ANTXR2: variants seen among roughly 807,000 people sequenced by gnomAD.
ANTXR2 encodes anthrax toxin receptor 2.
In ANTXR2, 44 loss-of-function variants were observed where a neutral mutation model predicts 73.7. The observed-to-expected ratio is 0.60, with a 90% CI of 0.47 to 0.77. ANTXR2 has a LOEUF of 0.77. ANTXR2 is among the 30% of genes least tolerant of loss of function. ANTXR2 has a pLI of 0.00. For synonymous variants in ANTXR2, 217 were observed against 205.9 expected (o/e 1.05, Z -0.46); for missense variants, 604 against 592.5 (o/e 1.02, Z -0.20).
At chr4:79,944,652 T>G (rs1286775139) in intron 16 of ANTXR2, among the ~76,000 whole-genome samples, 3 of 152,192 alleles carry the variant, frequency 2.0e-5, no homozygotes, top group African/African-American at 7.2e-5. Context: ...TGGTCTAAGC[T>G]GTAGCCCATA....
chr4:79,973,152 C>A (rs1729494773), intron 16 of ANTXR2, among the ~76,000 whole-genome samples: 1 of 152,072 alleles, frequency 6.6e-6, no homozygotes, highest in Admixed American at 6.5e-5. Context: ...TAAGATAGCA[C>A]TCTAGAGATG....
intron 16 of ANTXR2, among the ~76,000 whole-genome samples, chr4:79,919,093 A>G (rs1364788800): frequency 2.0e-5 from 3 of 152,134 alleles, no homozygotes; most frequent in Admixed American, 6.6e-5. Flanking sequence ...AAAATTGTTA[A>G]TCTAAAAGAG....
At chr4:79,935,442 A>AAAG (rs1728224124) in intron 16 of ANTXR2, among the ~76,000 whole-genome samples, 1 of 152,116 alleles carries the variant, frequency 6.6e-6, no homozygotes, top group Non-Finnish European at 1.5e-5. Context: ...AATTAGTGAC[A>AAAG]AAGAGTTGGG....
intron 10 of ANTXR2, among the ~76,000 whole-genome samples, chr4:80,028,282 CT>C (rs1380454975): frequency 6.6e-6 from 1 of 152,114 alleles, no homozygotes; most frequent in Admixed American, 6.6e-5. Flanking sequence ...GCCCAGATAA[CT>C]TTAACTTTCC....
chr4:79,977,282 C>G (rs992084418), intron 16 of ANTXR2, among the ~76,000 whole-genome samples: 1 of 152,204 alleles, frequency 6.6e-6, no homozygotes, highest in Non-Finnish European at 1.5e-5. Context: ...CTACTAAATG[C>G]TAGAGAAGGA....
intron 12 of ANTXR2, among the ~76,000 whole-genome samples, chr4:79,993,760 G>GCGCGCGCGCGCGCACACACACA (rs71662888): frequency 7.1e-6 from 1 of 140,658 alleles, no homozygotes; most frequent in East Asian, 2.1e-4. Context: ...ACACACACAC[G>GCGCGCGCGCGCGCACACACACA]CACACACACA....
intron 16 of ANTXR2, among the ~76,000 whole-genome samples, chr4:79,935,628 A>C (rs1313938554): frequency 6.6e-6 from 1 of 152,244 alleles, no homozygotes; most frequent in Non-Finnish European, 1.5e-5. Context: ...TAGTACACTG[A>C]CATTTATTAA....
chr4:80,048,110 T>G (rs952814807), intron 7 of ANTXR2, among the ~76,000 whole-genome samples: 6 of 151,368 alleles, frequency 4.0e-5, no homozygotes, highest in African/African-American at 1.5e-4. Flanking sequence ...CTAATGCACA[T>G]GGAATCAGAG....
intron 11 of ANTXR2, among the ~76,000 whole-genome samples, chr4:80,010,193 T>C (rs1731505796): frequency 6.6e-6 from 1 of 152,114 alleles, no homozygotes; most frequent in Non-Finnish European, 1.5e-5. Flanking sequence ...CATCTTTCTT[T>C]ACAAAATTCT....
intron 12 of ANTXR2, among the ~76,000 whole-genome samples, chr4:79,993,068 T>C (rs1029411266): frequency 1.3e-5 from 2 of 152,008 alleles, no homozygotes; most frequent in African/African-American, 2.4e-5. Flanking sequence ...CAAAAAAGGG[T>C]TTATTAATTT....
intron 10 of ANTXR2, among the ~76,000 whole-genome samples, chr4:80,025,778 T>C (rs973284352): frequency 6.6e-6 from 1 of 152,194 alleles, no homozygotes; most frequent in African/African-American, 2.4e-5. Flanking sequence ...TTCTTAAAAG[T>C]GGCTAAAAGA....
intron 3 of ANTXR2, among the ~76,000 whole-genome samples, chr4:80,067,234 C>T (rs1406617786): frequency 6.6e-6 from 1 of 151,850 alleles, no homozygotes; most frequent in Non-Finnish European, 1.5e-5. Context: ...GAAAGAAAGG[C>T]CTCTTCTGTA....
chr4:80,069,088 A>G (rs1178906213), intron 3 of ANTXR2, among the ~76,000 whole-genome samples: 1 of 152,174 alleles, frequency 6.6e-6, no homozygotes, highest in African/African-American at 2.4e-5. Context: ...TCTCCCCCTC[A>G]ATGTTCTTCA....
intron 16 of ANTXR2, among the ~76,000 whole-genome samples, chr4:79,928,526 C>T (rs1209889108): frequency 6.6e-6 from 1 of 151,936 alleles, no homozygotes; most frequent in Non-Finnish European, 1.5e-5. Context: ...ACATGTTTTA[C>T]CATAGTAAAA....
intron 8 of ANTXR2, 70 bp downstream of exon 8, chr4:80,035,902 C>A: frequency 7.7e-7 from 1 of 1,293,114 alleles, no homozygotes; most frequent in East Asian, 2.6e-5. Context: ...ACATGAGTTT[C>A]ATATCATATA....
At chr4:80,049,945 G>C (rs1054472215) in intron 7 of ANTXR2, among the ~76,000 whole-genome samples, 3 of 151,630 alleles carry the variant, frequency 2.0e-5, no homozygotes, top group African/African-American at 4.8e-5. Flanking sequence ...TGGAGGTTTA[G>C]CCCCACCCTG....
chr4:80,024,566 G>A (rs1301634041), intron 10 of ANTXR2: 6 of 325,760 alleles, frequency 1.8e-5, no homozygotes, highest in Non-Finnish European at 3.7e-5. Context: ...TTTGAGACCA[G>A]CCTGGGAAAC....
intron 12 of ANTXR2, among the ~76,000 whole-genome samples, chr4:79,989,058 T>A (rs946672748): frequency 1.3e-4 from 20 of 151,924 alleles, no homozygotes; most frequent in Non-Finnish European, 5.9e-5. Flanking sequence ...AGATCTCAAA[T>A]TAACAAGCTA....
intron 12 of ANTXR2, among the ~76,000 whole-genome samples, chr4:79,990,078 G>A (rs1730391520): frequency 6.6e-6 from 1 of 151,942 alleles, no homozygotes; most frequent in Admixed American, 6.6e-5. Context: ...AATAAGACAA[G>A]GATGCCCACT....
Sources: gnomAD v4.1 joint callset for allele counts (sites outside exome capture counted in the v4.1 genomes callset) on GRCh38, gnomAD v4.1.1 for gene constraint, MANE v1.5 for transcripts, NCBI Gene and HGNC (gene_info 2026-07-23, HGNC 2026-07-21) for gene names.